Variants in PRAG1 observed in about 807,000 individuals in gnomAD.
The protein encoded by PRAG1 is PEAK1 related, kinase-activating pseudokinase 1, also known as inactive tyrosine-protein kinase PRAG1.
In PRAG1, 110 loss-of-function variants were observed where a neutral mutation model predicts 95.6. The observed-to-expected ratio is 1.15, with a 90% CI of 0.99 to 1.35. The LOEUF (loss-of-function observed/expected upper bound fraction) is 1.35. PRAG1 is among the 40% of genes most tolerant of loss of function. The pLI is 0.00. For missense variants in PRAG1, 2,554 were observed against 1,864.7 expected, an observed-to-expected ratio of 1.37 and a Z score of -6.81; for synonymous variants, 1,052 against 819.4, an observed-to-expected ratio of 1.28 and a Z score of -4.85.
intron 3 of PRAG1, among the ~76,000 whole-genome samples, chr8:8,366,874 C>T (rs1418655083): frequency 1.3e-5 from 2 of 150,464 alleles, no homozygotes; most frequent in Non-Finnish European, 3.0e-5. Flanking sequence ...GGTAGTGTCT[C>T]GCTATGTTGC....
chr8:8,364,632 C>A (rs1459869199), intron 3 of PRAG1, among the ~76,000 whole-genome samples: 5 of 151,364 alleles, frequency 3.3e-5, no homozygotes, highest in African/African-American at 9.7e-5. Context: ...CTTTTACATA[C>A]ACTATATGAC....
intron 3 of PRAG1, among the ~76,000 whole-genome samples, chr8:8,371,324 G>C (rs898128946): frequency 6.6e-6 from 1 of 151,542 alleles, no homozygotes; most frequent in Non-Finnish European, 1.5e-5. Context: ...TCAGTGGTGC[G>C]ATCTCGGCTC....
intron 1 of PRAG1, among the ~76,000 whole-genome samples, chr8:8,383,785 G>T (rs1319652493): frequency 6.6e-6 from 1 of 152,142 alleles, no homozygotes; most frequent in African/African-American, 2.4e-5. Flanking sequence ...CTCCAGAAGA[G>T]GTCACTGGGC....
intron 3 of PRAG1, among the ~76,000 whole-genome samples, chr8:8,365,399 G>A (rs1422822249): frequency 1.3e-5 from 2 of 152,056 alleles, no homozygotes; most frequent in Non-Finnish European, 2.9e-5. Context: ...CAAAGCAGGT[G>A]GATCACCTGA....
intron 2 of PRAG1, among the ~76,000 whole-genome samples, chr8:8,379,062 G>T (rs1800544914): frequency 6.6e-6 from 1 of 151,500 alleles, no homozygotes; most frequent in South Asian, 2.1e-4. Context: ...CAGAGTGAGG[G>T]GTGGTTTCTG....
At chr8:8,369,116 G>C (rs1219079276) in intron 3 of PRAG1, among the ~76,000 whole-genome samples, 1 of 151,814 alleles carries the variant, frequency 6.6e-6, no homozygotes, top group South Asian at 2.1e-4. Flanking sequence ...AGCGAGAATA[G>C]TTGCAGAATC....
chr8:8,377,747 C>T lies in PRAG1; in HGVS notation c.662G>A (p.Cys221Tyr). Residue 221 changes from cysteine to tyrosine, a missense_variant, in exon 3 of 6, where the codon TGT (cysteine) becomes TAT (tyrosine). By Grantham distance (194) the Cys-to-Tyr change is radical. Transcript: ENST00000615670. ...CCGCAGGGGCCCAGGGCCCTGGTGA[C>T]AGCCAGATGTGGTCCCAGCAAAGGC... ...LAAFAGTTSG[C>Y]HQGPGPLRES... The T allele has an allele frequency of 6.2e-7, 1 of 1,614,094 alleles. No homozygotes were observed. The highest frequency in any genetic ancestry group is 8.5e-7 in the Non-Finnish European group (1 of 1,180,028).
At chr8:8,327,477 G>A (rs529290326) in intron 5 of PRAG1, among the ~76,000 whole-genome samples, 1 of 152,328 alleles carries the variant, frequency 6.6e-6, no homozygotes, top group Admixed American at 6.5e-5. Flanking sequence ...GGATGAGGCA[G>A]GAGAATCGCT....
At chr8:8,372,919 T>A (rs1027427608) in intron 3 of PRAG1, among the ~76,000 whole-genome samples, 2 of 152,200 alleles carry the variant, frequency 1.3e-5, no homozygotes, top group Admixed American at 1.3e-4. Flanking sequence ...TCACACCATG[T>A]AAGTGGAAAG....
At chr8:8,330,320 T>C (rs1798781709) in intron 4 of PRAG1, among the ~76,000 whole-genome samples, 2 of 152,190 alleles carry the variant, frequency 1.3e-5, no homozygotes, top group East Asian at 3.8e-4. Context: ...GAGCCGAGAC[T>C]GTGCCACCGC....
intron 5 of PRAG1, 126 bp from the exon 6 acceptor site, chr8:8,319,428 CCATACACATGCTAGAAGAAAA>C (rs1798404482): frequency 1.6e-6 from 1 of 634,590 alleles, no homozygotes; most frequent in Non-Finnish European, 2.4e-6. Context: ...TAAGAGCAAT[CCATACACATGCTAGAAGAAAA>C]CATGGGACAG....
intron 3 of PRAG1, among the ~76,000 whole-genome samples, chr8:8,367,921 G>A (rs572955800): frequency 7.2e-5 from 11 of 152,282 alleles, no homozygotes; most frequent in South Asian, 2.1e-4. Flanking sequence ...GATTACAGGC[G>A]TGAGCCATCA....
intron 3 of PRAG1, among the ~76,000 whole-genome samples, chr8:8,374,924 C>T (rs1214057146): frequency 6.6e-6 from 1 of 152,114 alleles, no homozygotes; most frequent in Non-Finnish European, 1.5e-5. Flanking sequence ...AACAGAACCA[C>T]TTGAAATGAC....
rs780011641 is a variant in PRAG1 at position 8,381,500 on chromosome 8, G to A, written c.248C>T (p.Thr83Ile). 1.9e-6 allele frequency: 3 copies of A among 1,614,224 alleles called. No homozygotes were observed. Among genetic ancestry groups the A allele is most frequent in the Non-Finnish European group, 1.7e-6 (2 of 1,180,048 alleles). The change falls in exon 2 of 6, where the codon ACA (threonine) becomes ATA (isoleucine). Residue 83 changes from threonine to isoleucine, a missense_variant. Thr to Ile is a moderately conservative substitution (Grantham distance 89). Transcript: ENST00000615670. ...CATCATGGTGGGCTTCACGGCAATT[G>A]TGGGCTTGGAGTAAGGTGAGCTGTT... ...GVNSSPYSKP[T>I]IAVKPTMMSS... is the part of the protein sequence containing the mutation.
In PRAG1 at chr8:8,339,448, A is replaced by G. The variant is rs1799096328; in HGVS notation, c.2320+30T>C. 7 of 1,608,770 alleles carry G rather than the reference A, an allele frequency of 4.4e-6. No individual in the cohort carries two copies. In the Admixed American group the frequency reaches 1.0e-4, roughly 23 times the overall value. ...TGGTCTTGAAGGTCCAGGAGAATCT[A>G]AGCCTCTCCGTCAATGTCAAGTTTG... On this transcript the variant is annotated intron_variant, in intron 4 of 5. Coordinates refer to ENST00000615670, the MANE Select transcript of PRAG1 (RefSeq NM_001080826.3).
At chr8:8,329,187 G>C (rs1403110117) in intron 4 of PRAG1, among the ~76,000 whole-genome samples, 2 of 152,078 alleles carry the variant, frequency 1.3e-5, no homozygotes, top group East Asian at 3.9e-4. Context: ...GAGCTCAGGA[G>C]TTTGAGACCA....
At chr8:8,337,036 AT>A (rs1485607064) in intron 4 of PRAG1, among the ~76,000 whole-genome samples, 1 of 152,116 alleles carries the variant, frequency 6.6e-6, no homozygotes, top group Non-Finnish European at 1.5e-5. Context: ...TCCTCCATTC[AT>A]TCAGGCCAGC....
rs1165035037 is a variant in PRAG1, at chr8:8,318,073, G to A, written c.*81C>T. On this transcript the variant is annotated 3_prime_UTR_variant, in exon 6 of 6. Coordinates refer to ENST00000615670, the MANE Select transcript of PRAG1 (RefSeq NM_001080826.3). This position sits in a 1 kb window ranked among gnomAD's most constrained non-coding sequence, Gnocchi z 4.2. ...TCCCAGTCATCTGTACCATTTCCCA[G>A]GGAGACATGGGTGCTTCCAAGGCGA... The A allele has an allele frequency of 7.2e-7, 1 of 1,388,206 alleles. No homozygotes were observed. Among genetic ancestry groups the A allele is most frequent in the African/African-American group, 1.5e-5 (1 of 68,678 alleles). The allele number at this position is 1,388,206 out of a possible 1,614,324, so 86.0% of individuals were successfully genotyped here. A position where few individuals can be genotyped will look rare whatever the true frequency, so the allele number is the denominator to read the frequency against.
intron 2 of PRAG1, 113 bp downstream of exon 2, chr8:8,381,305 A>G (rs1018197259): frequency 2.0e-6 from 2 of 1,021,398 alleles, no homozygotes; most frequent in African/African-American, 3.2e-5. Context: ...ACTGACAGGA[A>G]GCTATCCTGC....
Sources: gnomAD v4.1 joint callset for allele counts (sites outside exome capture counted in the v4.1 genomes callset) on GRCh38, gnomAD v4.1.1 for gene constraint, Gnocchi (gnomAD v3.1) non-coding constraint, MANE v1.5 for transcripts, NCBI Gene and HGNC (gene_info 2026-07-23, HGNC 2026-07-21) for gene names.